Variants in PDE8B observed in about 807,000 individuals in gnomAD.
The protein encoded by PDE8B is phosphodiesterase 8B.
PDE8B carries 26 observed loss-of-function variants against 101.3 expected under a neutral mutation model. That is an observed-to-expected ratio of 0.26 (90% CI 0.19 to 0.36). PDE8B has a LOEUF of 0.36. PDE8B is among the 10% of genes least tolerant of loss of function. The pLI is 1.00. For missense variants in PDE8B, 810 were observed against 1,163.1 expected (o/e 0.70, Z 4.42); for synonymous variants, 424 against 429.3 (o/e 0.99, Z 0.15).
chr5:77,384,319 C>T (rs563862110), intron 10 of PDE8B, among the ~76,000 whole-genome samples: 8 of 152,224 alleles, frequency 5.3e-5, no homozygotes, highest in Admixed American at 5.2e-4. Flanking sequence ...GATTTTTGCA[C>T]ATTGATTTTG....
At chr5:77,280,371 G>T (rs372023525) in intron 1 of PDE8B, among the ~76,000 whole-genome samples, 2 of 152,068 alleles carry the variant, frequency 1.3e-5, no homozygotes, top group South Asian at 2.1e-4. Flanking sequence ...GTGTGTGTGT[G>T]TTTTAAATTT....
At position 77,388,061 on chromosome 5, in the gene PDE8B, C is replaced by T. The variant is rs575500917; in HGVS notation, c.1168-12187C>T. Among the ~76,000 whole-genome samples, 6 of 152,244 alleles carry T rather than the reference C, an allele frequency of 3.9e-5. No individual in the cohort carries two copies. In the South Asian group the frequency reaches 6.2e-4, roughly 16 times the overall value. On this transcript the variant is annotated intron_variant, in intron 10 of 21. Transcript: ENST00000264917. ...GGAGGAGTTTGTTATTACCCACCTTCGGAAGCCTACTTCTGTCAATTCGTC... is the reference window on the plus strand; with the variant it reads ...GGAGGAGTTTGTTATTACCCACCTTTGGAAGCCTACTTCTGTCAATTCGTC...
chr5:77,312,770 T>C (rs1462935207), intron 2 of PDE8B, among the ~76,000 whole-genome samples: 1 of 152,236 alleles, frequency 6.6e-6, no homozygotes, highest in Admixed American at 6.5e-5. Context: ...TTACCATTAA[T>C]GATAGCAGTT....
chr5:77,251,140 A>T (rs1757979417), intron 1 of PDE8B, among the ~76,000 whole-genome samples: 1 of 152,158 alleles, frequency 6.6e-6, no homozygotes, highest in Non-Finnish European at 1.5e-5. Context: ...TTGGACCTTT[A>T]TGTGCTTCAG....
chr5:77,424,938 C>A (rs1429350641), intron 20 of PDE8B, among the ~76,000 whole-genome samples: 2 of 152,034 alleles, frequency 1.3e-5, no homozygotes, highest in Non-Finnish European at 2.9e-5. Flanking sequence ...GAACCTCCTG[C>A]CTTGACCTCC....
intron 1 of PDE8B, among the ~76,000 whole-genome samples, chr5:77,217,449 A>G (rs1211469355): frequency 1.3e-5 from 2 of 152,208 alleles, no homozygotes; most frequent in Non-Finnish European, 2.9e-5. Context: ...TAAAAATATT[A>G]AAATGTGTCC....
chr5:77,211,607 G>A lies in PDE8B; in HGVS notation c.339+343G>A, dbSNP rs1474514463. 6.6e-6 allele frequency among the ~76,000 whole-genome samples: 1 copy of A among 152,198 alleles called. No homozygotes were observed. Among genetic ancestry groups the A allele is most frequent in the Non-Finnish European group, 1.5e-5 (1 of 68,036 alleles). On this transcript the variant is annotated intron_variant, in intron 1 of 21. Transcript: ENST00000264917. The surrounding 1 kb of genome is among the most constrained non-coding windows in gnomAD (Gnocchi z 4.1). ...GGAAGAGGGGTGGGGACCATTGAGA[G>A]CATTCGGTGGCCAGTCCTGTTGAAT...
intron 10 of PDE8B, among the ~76,000 whole-genome samples, chr5:77,397,173 G>A (rs1791258351): frequency 6.6e-6 from 1 of 151,298 alleles, no homozygotes; most frequent in Admixed American, 6.6e-5. Context: ...GGGACTACAG[G>A]TGCACACCAC....
chr5:77,170,924 T>C, the PDE8B span, among the ~76,000 whole-genome samples: 1 of 152,228 alleles, frequency 6.6e-6, no homozygotes, highest in Non-Finnish European at 1.5e-5. Flanking sequence ...AGCACTACAA[T>C]AGTCCATCAG....
At chr5:77,193,801 A>G in the PDE8B span, among the ~76,000 whole-genome samples, 8 of 152,214 alleles carry the variant, frequency 5.3e-5, no homozygotes, top group Non-Finnish European at 1.0e-4. Flanking sequence ...ATACAAGAAC[A>G]TTGTATATCT....
intron 9 of PDE8B, among the ~76,000 whole-genome samples, chr5:77,351,606 C>T (rs1184922715): frequency 6.6e-6 from 1 of 152,152 alleles, no homozygotes; most frequent in Admixed American, 6.5e-5. Context: ...AAAGGTGTGT[C>T]TGACCAGGAG....
chr5:77,216,146 C>T (rs1018823943), intron 1 of PDE8B, among the ~76,000 whole-genome samples: 2 of 152,100 alleles, frequency 1.3e-5, no homozygotes, highest in Non-Finnish European at 2.9e-5. Flanking sequence ...AATGAAGGGA[C>T]TACTGCAAAT....
At chr5:77,199,754 A>G in the PDE8B span, among the ~76,000 whole-genome samples, 1 of 152,216 alleles carries the variant, frequency 6.6e-6, no homozygotes, top group East Asian at 1.9e-4. Context: ...AAGATTTCAT[A>G]TCTAAAGGGT....
chr5:77,407,233 T>C (rs1009485763), intron 12 of PDE8B, 148 bp from the exon 13 acceptor site: 1 of 719,494 alleles, frequency 1.4e-6, no homozygotes, highest in Non-Finnish European at 2.5e-6. Flanking sequence ...CTACCAGCCT[T>C]GGCAGAAGAG....
intron 5 of PDE8B, among the ~76,000 whole-genome samples, chr5:77,332,837 CAA>C (rs35330679): frequency 0.068 from 7,441 of 108,844 alleles, 226 homozygotes; most frequent in Non-Finnish European, 0.073. Context: ...AACTCCGTCT[CAA>C]AAAAAAAAAA....
chr5:77,221,522 G>A (rs1234617145), intron 1 of PDE8B, among the ~76,000 whole-genome samples: 2 of 152,150 alleles, frequency 1.3e-5, no homozygotes, highest in Non-Finnish European at 2.9e-5. Context: ...GCGAAGTTTT[G>A]TAGGATGTTT....
At chr5:77,236,059 C>G (rs1472508868) in intron 1 of PDE8B, among the ~76,000 whole-genome samples, 1 of 152,122 alleles carries the variant, frequency 6.6e-6, no homozygotes, top group Non-Finnish European at 1.5e-5. Flanking sequence ...TGCTGTGTTG[C>G]CAGAGAGGAT....
chr5:77,385,873 C>T lies in PDE8B; in HGVS notation c.1168-14375C>T, dbSNP rs554085741. 3.3e-5 allele frequency among the ~76,000 whole-genome samples: 5 copies of T among 149,534 alleles called. No homozygotes were observed. In the South Asian group the frequency reaches 1.1e-3, roughly 32 times the overall value. ...GCACGATCTCAGCTCACTGCAACCTCCGCCTCTCAGGTTCAAGTGATTCTC... is the reference window on the plus strand; with the variant it reads ...GCACGATCTCAGCTCACTGCAACCTTCGCCTCTCAGGTTCAAGTGATTCTC... On this transcript the variant is annotated intron_variant, in intron 10 of 21. Transcript: ENST00000264917.
chr5:77,201,500 G>A, the PDE8B span, among the ~76,000 whole-genome samples: 40,462 of 152,026 alleles, frequency 0.27, 5,852 homozygotes, highest in Non-Finnish European at 0.33. Flanking sequence ...GGCTTTGGGT[G>A]GACACTTTCT....
Sources: allele counts gnomAD v4.1 joint callset (sites outside exome capture counted in the v4.1 genomes callset), GRCh38; gene constraint gnomAD v4.1.1; non-coding constraint Gnocchi (gnomAD v3.1); transcripts MANE v1.5; gene names NCBI Gene and HGNC (gene_info 2026-07-23, HGNC 2026-07-21).